The following PRKD3 variants were observed in gnomAD, a reference collection of about 807,000 sequenced individuals.
PRKD3 encodes the protein protein kinase D3.
PRKD3 carries 47 observed loss-of-function variants against 99.2 expected under a neutral mutation model. That is an observed-to-expected ratio of 0.47 (90% CI 0.38 to 0.60). The LOEUF is 0.60. Among genes scored for constraint, PRKD3 ranks in the 20% least tolerant of loss-of-function variants. PRKD3 has a pLI of 0.00. For missense variants in PRKD3, 1,019 were observed against 1,088.4 expected, an observed-to-expected ratio of 0.94 and a Z score of 0.90; for synonymous variants, 392 against 355.4, an observed-to-expected ratio of 1.10 and a Z score of -1.16.
At chr2:37,264,679 T>G (rs987529405) in intron 14 of PRKD3, among the ~76,000 whole-genome samples, 2 of 152,116 alleles carry the variant, frequency 1.3e-5, no homozygotes, top group Admixed American at 1.3e-4. Context: ...CAAAGCCTTT[T>G]GAGACAGAAG....
At chr2:37,288,155 G>A (rs1670210995) in intron 5 of PRKD3, among the ~76,000 whole-genome samples, 2 of 151,862 alleles carry the variant, frequency 1.3e-5, no homozygotes, top group South Asian at 2.1e-4. Context: ...CTGGGCATAG[G>A]TGGCGTAACA....
chr2:37,292,000 G>A (rs759910247), intron 3 of PRKD3, among the ~76,000 whole-genome samples: 8 of 152,092 alleles, frequency 5.3e-5, no homozygotes, highest in East Asian at 1.9e-4. Flanking sequence ...AAAAAACAAC[G>A]TATGGCAAGA....
chr2:37,264,785 G>T (rs1484972564), intron 14 of PRKD3, among the ~76,000 whole-genome samples: 1 of 152,160 alleles, frequency 6.6e-6, no homozygotes, highest in Non-Finnish European at 1.5e-5. Context: ...ATTGTCTGCA[G>T]TGGGATCTTT....
chr2:37,300,521 G>C (rs897003032), intron 2 of PRKD3, among the ~76,000 whole-genome samples: 6 of 152,192 alleles, frequency 3.9e-5, no homozygotes, highest in Non-Finnish European at 8.8e-5. Context: ...AACTAGAAGA[G>C]TAGAATTGGA....
intron 11 of PRKD3, among the ~76,000 whole-genome samples, chr2:37,272,745 T>C (rs2148534786): frequency 6.6e-6 from 1 of 152,146 alleles, no homozygotes; most frequent in Admixed American, 6.5e-5. Flanking sequence ...CCCAGTGCAT[T>C]AGGACGCTGA....
intron 5 of PRKD3, among the ~76,000 whole-genome samples, chr2:37,288,497 A>T (rs1019847516): frequency 1.3e-5 from 2 of 152,214 alleles, no homozygotes; most frequent in African/African-American, 2.4e-5. Flanking sequence ...TAATTTACAG[A>T]AGATCAGAGA....
chr2:37,253,259 A>G lies in PRKD3; in HGVS notation c.2591T>C (p.Ile864Thr), dbSNP rs367746070. The G allele has an allele frequency of 6.4e-5, 103 of 1,612,826 alleles. No individual in the cohort carries two copies. Among genetic ancestry groups the G allele is most frequent in the Non-Finnish European group, 8.3e-5 (98 of 1,179,038 alleles). Residue 864 changes from isoleucine to threonine, a missense_variant, in exon 19 of 19, where the codon ATA becomes ACA. Coordinates refer to ENST00000234179, the MANE Select transcript of PRKD3 (RefSeq NM_005813.6). ...TACAAGGTTATGTGTGTATGCATGT[A>G]TTTCCCAGCGAGCATCATCACTTTC... ...THESDDARWE[I>T]HAYTHNLVYP...
At chr2:37,259,065 C>T (rs1276122670) in intron 16 of PRKD3, among the ~76,000 whole-genome samples, 1 of 148,274 alleles carries the variant, frequency 6.7e-6, no homozygotes, top group South Asian at 2.2e-4. Flanking sequence ...AAAAAAAAAA[C>T]TCAACTGAAT....
At chr2:37,261,648 C>G (rs894421517) in intron 14 of PRKD3, among the ~76,000 whole-genome samples, 2 of 151,806 alleles carry the variant, frequency 1.3e-5, no homozygotes, top group Non-Finnish European at 2.9e-5. Context: ...GGTGTGGTGG[C>G]GCAAGCCTGT....
chr2:37,293,006 A>T (rs1670505889), intron 3 of PRKD3, 127 bp downstream of exon 3: 1 of 1,051,184 alleles, frequency 9.5e-7, no homozygotes, highest in Non-Finnish European at 1.3e-6. Context: ...GGTGACCATT[A>T]TTAGAGATGA....
intron 9 of PRKD3, among the ~76,000 whole-genome samples, chr2:37,276,444 G>T (rs1669574182): frequency 6.6e-6 from 1 of 152,062 alleles, no homozygotes; most frequent in Admixed American, 6.6e-5. Context: ...GTTCTTATGT[G>T]TAAGAGTCAT....
chr2:37,286,711 TG>T (rs1670111206), intron 5 of PRKD3, among the ~76,000 whole-genome samples: 1 of 152,258 alleles, frequency 6.6e-6, no homozygotes, highest in South Asian at 2.1e-4. Flanking sequence ...CTGCTCATTT[TG>T]CATTACTGAA....
At chr2:37,320,293 A>AAC (rs765858138) in intron 1 of PRKD3, among the ~76,000 whole-genome samples, 28 of 152,134 alleles carry the variant, frequency 1.8e-4, no homozygotes, top group Non-Finnish European at 3.5e-4. Context: ...CCAACAACCT[A>AAC]ACAATGGAAC....
intron 1 of PRKD3, among the ~76,000 whole-genome samples, chr2:37,317,624 T>C (rs546009827): frequency 1.3e-5 from 2 of 152,284 alleles, no homozygotes; most frequent in African/African-American, 2.4e-5. Context: ...TTTTTTAATA[T>C]TACAATACTA....
chr2:37,316,157 T>C, intron 2 of PRKD3, 80 bp downstream of exon 2: 1 of 1,373,542 alleles, frequency 7.3e-7, no homozygotes, highest in South Asian at 1.3e-5. Flanking sequence ...CAGTATGTCT[T>C]AACTCACTGG....
chr2:37,313,168 G>A (rs1482900360), intron 2 of PRKD3, among the ~76,000 whole-genome samples: 1 of 152,048 alleles, frequency 6.6e-6, no homozygotes, highest in East Asian at 1.9e-4. Flanking sequence ...TGGGCCATAT[G>A]GTCTCTGTCA....
rs950826254 is a variant in PRKD3 at position 37,316,479 on chromosome 2, G to A, written c.46C>T (p.Pro16Ser). 1.1e-5 allele frequency: 17 copies of A among 1,614,068 alleles called. No individual in the cohort carries two copies. The highest frequency in any genetic ancestry group is 8.3e-5 in the Admixed American group (5 of 60,014). Residue 16 changes from proline to serine, a missense_variant, in exon 2 of 19, where the codon CCC (proline) becomes TCC (serine). By Grantham distance (74) the Pro-to-Ser change is moderately conservative. Coordinates refer to ENST00000234179, the MANE Select transcript of PRKD3 (RefSeq NM_005813.6). ...GGAAGCACAGCAGGAATAGCTGTGG[G>A]TAATACAGACTTCTGGGCTGATGGA... The part of the protein sequence containing the change: ...SPPSAQKSVL[P>S]TAIPAVLPAA...
chr2:37,288,659 T>A (rs1161696753), intron 5 of PRKD3, among the ~76,000 whole-genome samples: 2 of 152,194 alleles, frequency 1.3e-5, no homozygotes, highest in African/African-American at 2.4e-5. Context: ...AAATCACTGA[T>A]TTATTAATAA....
chr2:37,313,321 C>A (rs1671523074), intron 2 of PRKD3, among the ~76,000 whole-genome samples: 1 of 141,508 alleles, frequency 7.1e-6, no homozygotes, highest in African/African-American at 2.6e-5. Flanking sequence ...CTGACCCCTG[C>A]ATTAGCGGAA....
Sources: gnomAD v4.1 joint callset for allele counts (sites outside exome capture counted in the v4.1 genomes callset) on GRCh38, gnomAD v4.1.1 for gene constraint, MANE v1.5 for transcripts, NCBI Gene and HGNC (gene_info 2026-07-23, HGNC 2026-07-21) for gene names.